TSGA10: variants seen among roughly 807,000 people sequenced by gnomAD.
TSGA10 encodes the protein testis specific 10, also known as testis-specific gene 10 protein.
Under a neutral mutation model 96.6 loss-of-function variants are expected in TSGA10, and 43 were observed. The observed-to-expected ratio is 0.44, with a 90% CI of 0.35 to 0.57. The LOEUF is 0.57. Among genes scored for constraint, TSGA10 ranks in the 20% least tolerant of loss-of-function variants. The pLI is 0.01. For synonymous variants in TSGA10, 229 were observed against 269.9 expected, an observed-to-expected ratio of 0.85 and a Z score of 1.48; for missense variants, 703 against 834.4, an observed-to-expected ratio of 0.84 and a Z score of 1.94.
intron 16 of TSGA10, among the ~76,000 whole-genome samples, chr2:99,051,798 A>C (rs2083418857): frequency 6.6e-6 from 1 of 152,128 alleles, no homozygotes; most frequent in Non-Finnish European, 1.5e-5. Flanking sequence ...CCATAATAAT[A>C]AAATTAAATT....
intron 16 of TSGA10, among the ~76,000 whole-genome samples, chr2:99,045,361 G>T (rs1018117182): frequency 1.3e-5 from 2 of 152,180 alleles, no homozygotes; most frequent in African/African-American, 2.4e-5. Flanking sequence ...ACAAAGGGAA[G>T]CCCATCAGAC....
intron 1 of TSGA10, chr2:99,150,692 A>G: frequency 3.1e-6 from 5 of 1,614,150 alleles, no homozygotes. Flanking sequence ...CAAAACACCA[A>G]GAAAATAAGA....
intron 7 of TSGA10, among the ~76,000 whole-genome samples, chr2:99,106,416 C>T (rs2104821043): frequency 6.6e-6 from 1 of 152,256 alleles, no homozygotes; most frequent in Non-Finnish European, 1.5e-5. Flanking sequence ...TATTTCTTCT[C>T]ATCTTGAATA....
chr2:99,147,598 C>G (rs1387153367), intron 1 of TSGA10: 1 of 969,068 alleles, frequency 1.0e-6, no homozygotes, highest in Non-Finnish European at 1.6e-6. Context: ...TGTTACCATT[C>G]TTTTACGTTT....
At chr2:99,059,375 C>T (rs1274315803) in intron 16 of TSGA10, among the ~76,000 whole-genome samples, 1 of 151,980 alleles carries the variant, frequency 6.6e-6, no homozygotes, top group Admixed American at 6.6e-5. Flanking sequence ...TGGCTCATGC[C>T]TGTAATCCCA....
chr2:99,118,237 G>A (rs1316642696), intron 3 of TSGA10, among the ~76,000 whole-genome samples: 1 of 151,784 alleles, frequency 6.6e-6, no homozygotes, highest in Non-Finnish European at 1.5e-5. Context: ...GATCATCTGA[G>A]GTCAGGAGTT....
intron 20 of TSGA10, among the ~76,000 whole-genome samples, chr2:99,012,258 C>G (rs753277357): frequency 3.9e-5 from 6 of 152,086 alleles, no homozygotes; most frequent in African/African-American, 9.7e-5. Context: ...AACAATAACA[C>G]AATGGGGGAA....
intron 10 of TSGA10, among the ~76,000 whole-genome samples, chr2:99,100,956 GA>G (rs561618635): frequency 0.044 from 5,302 of 119,234 alleles, 107 homozygotes; most frequent in African/African-American, 0.069. Flanking sequence ...TAGGCTGGGT[GA>G]AAAAAAAAAA....
intron 16 of TSGA10, among the ~76,000 whole-genome samples, chr2:99,050,979 G>C (rs1399079001): frequency 6.6e-6 from 1 of 152,088 alleles, no homozygotes; most frequent in Non-Finnish European, 1.5e-5. Flanking sequence ...ACAGTAACAT[G>C]CTGTACAGGT....
chr2:99,048,884 GA>G (rs1293361640), intron 16 of TSGA10, among the ~76,000 whole-genome samples: 7 of 151,266 alleles, frequency 4.6e-5, no homozygotes, highest in Non-Finnish European at 1.0e-4. Context: ...AAATTTAGAA[GA>G]AAAAAAACAG....
chr2:99,014,914 T>C (rs2079364682), intron 20 of TSGA10, among the ~76,000 whole-genome samples: 1 of 152,088 alleles, frequency 6.6e-6, no homozygotes, highest in South Asian at 2.1e-4. Context: ...TTCCTGGAGA[T>C]ATACAACTCT....
At chr2:99,080,157 T>A (rs1299202704) in intron 11 of TSGA10, among the ~76,000 whole-genome samples, 1 of 152,138 alleles carries the variant, frequency 6.6e-6, no homozygotes, top group African/African-American at 2.4e-5. Context: ...TGACTTCACT[T>A]CCCATTTATT....
chr2:99,046,740 T>C (rs1225674420), intron 16 of TSGA10, among the ~76,000 whole-genome samples: 1 of 151,812 alleles, frequency 6.6e-6, no homozygotes, highest in Non-Finnish European at 1.5e-5. Context: ...AACTGAAGGA[T>C]ATAGAGACAC....
Position 99,125,650 on chromosome 2 carries a change from C to T in TSGA10, c.-492+1398G>A, listed in dbSNP as rs547738113. On this transcript the variant is annotated intron_variant, in intron 2 of 20. Transcript: ENST00000393483. The stretch of plus-strand genomic sequence containing the variant: ...CTGGATCTTATGTTTTAGCAGGCCT[C>T]CTGTGACAATGCTCCAACTAAAAAG... The T allele has an allele frequency of 2.1e-3, 314 of 152,284 alleles. 3 individuals carry two copies. The highest frequency in any genetic ancestry group is 7.3e-3 in the African/African-American group (303 of 41,552). The allele number at this position is 152,284 out of a possible 1,614,324, so 9.4% of individuals were successfully genotyped here.
chr2:99,134,171 A>G (rs2093228631), intron 1 of TSGA10, among the ~76,000 whole-genome samples: 1 of 151,982 alleles, frequency 6.6e-6, no homozygotes, highest in Non-Finnish European at 1.5e-5. Flanking sequence ...TAATATCCTG[A>G]GGATATTTCC....
chr2:99,136,009 C>CAAAAAAAAAAAAAA, intron 1 of TSGA10, among the ~76,000 whole-genome samples: 1 of 125,768 alleles, frequency 8.0e-6, no homozygotes, highest in Non-Finnish European at 1.6e-5. Context: ...GACTTCGTAC[C>CAAAAAAAAAAAAAA]AAAAAAAAAA....
rs1368479646 is a variant in TSGA10, at chr2:98,998,096, T to C, written c.*101A>G. 7 of 977,694 alleles carry C rather than the reference T, an allele frequency of 7.2e-6. No homozygotes were observed. The highest frequency in any genetic ancestry group is 1.1e-5 in the Non-Finnish European group (7 of 636,740). The allele number at this position is 977,694 out of a possible 1,614,324, so 60.6% of individuals were successfully genotyped here. A position where few individuals can be genotyped will look rare whatever the true frequency, so the allele number is the denominator to read the frequency against. ...ACAAAGTTAATAAATACATTTAACA[T>C]TGCCAAGCATTTAAAAGATAAATGC... On this transcript the variant is annotated 3_prime_UTR_variant, in exon 21 of 21. Coordinates refer to ENST00000393483, the MANE Select transcript of TSGA10 (RefSeq NM_025244.4).
chr2:99,025,110 G>A (rs2080442656), intron 17 of TSGA10, among the ~76,000 whole-genome samples: 1 of 152,172 alleles, frequency 6.6e-6, no homozygotes, highest in South Asian at 2.1e-4. Flanking sequence ...CCTGTGAGGT[G>A]TTTGTCTGGC....
chr2:99,105,846 T>C (rs1431891117), intron 7 of TSGA10, 149 bp from the exon 8 acceptor site: 2 of 487,444 alleles, frequency 4.1e-6, no homozygotes, highest in Admixed American at 7.2e-5. Flanking sequence ...AATAAGCTTA[T>C]ACAAATAAAT....
Sources: gnomAD v4.1 joint callset for allele counts (sites outside exome capture counted in the v4.1 genomes callset) on GRCh38, gnomAD v4.1.1 for gene constraint, MANE v1.5 for transcripts, NCBI Gene and HGNC (gene_info 2026-07-23, HGNC 2026-07-21) for gene names.